The following ENTR1 variants were observed in gnomAD, a reference collection of about 807,000 sequenced individuals.
ENTR1 encodes the protein endosome associated trafficking regulator 1, also known as endosome-associated-trafficking regulator 1.
A neutral mutation model predicts 47.9 loss-of-function variants in ENTR1; 47 were observed. The ratio of observed to expected loss-of-function variants is 0.98; its 90% confidence interval spans 0.78 to 1.25. The LOEUF is 1.25. Ranked by LOEUF, ENTR1 falls within the 50% of genes most tolerant of loss-of-function variation. The pLI, the probability that ENTR1 is intolerant of heterozygous loss-of-function variation, is 0.00. For synonymous variants in ENTR1, 290 were observed against 245.8 expected, an observed-to-expected ratio of 1.18 and a Z score of -1.68; for missense variants, 668 against 570.5, an observed-to-expected ratio of 1.17 and a Z score of -1.74.
chr9:136,410,481 G>A lies in ENTR1; in HGVS notation c.-84C>T, dbSNP rs1835052356. The stretch of plus-strand genomic sequence containing the variant: ...CGGCTCCGCCCGTGCCGCGGCCCGC[G>A]TCGCCCGCCCCCGTCGCCCGCCCCC... On this transcript the variant is annotated 5_prime_UTR_variant, in exon 1 of 10. It adds an upstream start codon to the 5' untranslated region. Transcript: ENST00000357365. The A allele has an allele frequency of 5.6e-5, 55 of 977,628 alleles. No individual in the cohort carries two copies. The highest frequency in any genetic ancestry group is 6.8e-5 in the Non-Finnish European group (55 of 810,970). 60.6% of individuals were successfully genotyped at this position (977,628 alleles called of 1,614,324 possible).
intron 3 of ENTR1, among the ~76,000 whole-genome samples, chr9:136,408,318 G>A (rs1357808730): frequency 4.3e-5 from 5 of 117,624 alleles, no homozygotes; most frequent in Non-Finnish European, 9.4e-5. Context: ...GGTGGCTCAC[G>A]CCTGTACCCC....
intron 8 of ENTR1, 152 bp downstream of exon 8, chr9:136,404,479 C>G: frequency 1.1e-6 from 1 of 890,888 alleles, no homozygotes; most frequent in Non-Finnish European, 1.7e-6. Context: ...GCTTCACGCC[C>G]TGACAGGAAG....
chr9:136,409,811 A>AG, intron 2 of ENTR1: 1 of 564,902 alleles, frequency 1.8e-6, no homozygotes, highest in South Asian at 1.8e-5. Flanking sequence ...CACTAGGTGA[A>AG]GGCACCCCGA....
At chr9:136,402,955 A>G (rs1257636646) in intron 9 of ENTR1, 68 bp from the exon 10 acceptor site, 9 of 629,592 alleles carry the variant, frequency 1.4e-5, no homozygotes, top group African/African-American at 9.6e-5. Context: ...TTCTGGGGGG[A>G]GAAAGGGGAG....
intron 3 of ENTR1, among the ~76,000 whole-genome samples, chr9:136,408,303 G>A (rs563854567): frequency 6.9e-6 from 1 of 144,080 alleles, no homozygotes; most frequent in Non-Finnish European, 1.5e-5. Context: ...CAGGTGGCCA[G>A]GTGTGGTGGC....
At chr9:136,406,757 G>A (rs371550289) in intron 5 of ENTR1, among the ~76,000 whole-genome samples, 1 of 152,134 alleles carries the variant, frequency 6.6e-6, no homozygotes, top group Non-Finnish European at 1.5e-5. Flanking sequence ...GATTACAGGC[G>A]TGAGCCACGG....
At chr9:136,408,008 CTG>C (rs1834866431) in intron 3 of ENTR1, 70 bp from the exon 4 acceptor site, 16 of 1,021,952 alleles carry the variant, frequency 1.6e-5, no homozygotes, top group Middle Eastern at 2.0e-4. Flanking sequence ...TCCTGTTCAC[CTG>C]TCTTTCCAGA....
intron 8 of ENTR1, 40 bp downstream of exon 8, chr9:136,404,591 C>G: frequency 6.2e-7 from 1 of 1,601,394 alleles, no homozygotes; most frequent in South Asian, 1.1e-5. Flanking sequence ...TGTGACTCCA[C>G]AAATCAAAGA....
intron 6 of ENTR1, 131 bp from the exon 7 acceptor site, chr9:136,405,333 G>T: frequency 1.4e-6 from 1 of 700,164 alleles, no homozygotes; most frequent in Non-Finnish European, 2.5e-6. Context: ...CAGAGGGGAG[G>T]CAGCGGCAGC....
intron 5 of ENTR1, among the ~76,000 whole-genome samples, chr9:136,406,514 T>C (rs569881586): frequency 2.7e-5 from 4 of 150,812 alleles, no homozygotes; most frequent in Non-Finnish European, 5.9e-5. Context: ...GTTTCGCCCG[T>C]CGCCTAGGCT....
rs984579081 is a variant in ENTR1 at position 136,402,233 on chromosome 9, G to A, written c.*555C>T. The A allele has an allele frequency of 3.9e-5, 6 of 152,972 alleles. No individual in the cohort carries two copies. The highest frequency in any genetic ancestry group is 1.2e-4 in the African/African-American group (5 of 41,470). The allele number at this position is 152,972 out of a possible 1,614,324, so 9.5% of individuals were successfully genotyped here. A position where few individuals can be genotyped will look rare whatever the true frequency, so the allele number is the denominator to read the frequency against. Reference sequence around the variant, plus strand: ...ACCTTGGTCCCCGTGGGTCCCGGAGGAGGACAGCAGCAGCCACGCGGTGGC... The same window carrying A: ...ACCTTGGTCCCCGTGGGTCCCGGAGAAGGACAGCAGCAGCCACGCGGTGGC... On this transcript the variant is annotated 3_prime_UTR_variant, in exon 10 of 10. Coordinates refer to ENST00000357365, the MANE Select transcript of ENTR1 (RefSeq NM_001039707.2).
intron 3 of ENTR1, 145 bp downstream of exon 3, chr9:136,408,854 G>A: frequency 1.5e-6 from 1 of 648,442 alleles, no homozygotes; most frequent in Non-Finnish European, 2.8e-6. Context: ...CTAGGATCAA[G>A]ACTGAACCCT....
chr9:136,410,505 C>CCCG lies in ENTR1; in HGVS notation c.-109_-108insCGG. ...CGTCGCCCGCCCCCGTCGCCCGCCC[C>CCCG]CGTCGCCCGCCGCTCGGCCGCCCCC... On this transcript the variant is annotated 5_prime_UTR_variant, in exon 1 of 10. Coordinates refer to ENST00000357365, the MANE Select transcript of ENTR1 (RefSeq NM_001039707.2). 1.0e-6 allele frequency: 1 copy of CCCG among 965,600 alleles called. No homozygotes were observed. The highest frequency in any genetic ancestry group is 1.3e-6 in the Non-Finnish European group (1 of 789,044). The allele number at this position is 965,600 out of a possible 1,614,324, so 59.8% of individuals were successfully genotyped here.
Position 136,405,963 on chromosome 9 carries a change from A to G in ENTR1, c.835T>C (p.Ser279Pro). ...ISYDALKDEN[S>P]KLRRKLNEVQ... ...TCATTCAGCTTTCTTCTCAGCTTAG[A>G]ATTTTCATCTTTCAGCTGTGGAGAG... The change falls in exon 6 of 10, where the codon TCT (serine) becomes CCT (proline). Residue 279 changes from serine (S) to proline (P), a missense_variant. Physicochemically the swap from Ser to Pro is moderately conservative, Grantham distance 74 (BLOSUM62 -1). Coordinates refer to ENST00000357365, the MANE Select transcript of ENTR1 (RefSeq NM_001039707.2). 1 of 1,609,346 alleles carries G rather than the reference A, an allele frequency of 6.2e-7. No individual in the cohort carries two copies. Among genetic ancestry groups the G allele is most frequent in the South Asian group, 1.1e-5 (1 of 89,892 alleles).
chr9:136,410,239 G>A lies in ENTR1; in HGVS notation c.71C>T (p.Ala24Val), dbSNP rs750534111. ...AGACCGGCGCTCATAGAACGCTGGA[G>A]CTGGAAGCAACGACAACAGCGACTT... ...SRARSLAIPD[A>V]PAFYERRSCL... The change falls in exon 2 of 10, where the codon GCT becomes GTT. Residue 24 changes from alanine to valine, a missense_variant and splice_region_variant. Coordinates refer to ENST00000357365, the MANE Select transcript of ENTR1 (RefSeq NM_001039707.2). 1 of 1,572,842 alleles carries A rather than the reference G, an allele frequency of 6.4e-7. No homozygotes were observed. Among genetic ancestry groups the A allele is most frequent in the South Asian group, 1.2e-5 (1 of 86,284 alleles).
Position 136,407,289 on chromosome 9 carries a change from C to G in ENTR1, c.675G>C (p.Glu225Asp). 6.2e-7 allele frequency: 1 copy of G among 1,612,656 alleles called. No individual in the cohort carries two copies. The highest frequency in any genetic ancestry group is 8.5e-7 in the Non-Finnish European group (1 of 1,179,920). The change falls in exon 5 of 10, where the codon GAG becomes GAC. Residue 225 changes from glutamate (E) to aspartate (D), a missense_variant. Coordinates refer to ENST00000357365, the MANE Select transcript of ENTR1 (RefSeq NM_001039707.2). The part of the protein sequence containing the change: ...FSTPSELAGP[E>D]SLPSWALSDT... Reference sequence around the variant, plus strand: ...CACTCAACGCCCACGAGGGCAGAGACTCAGGCCCTGCCAGCTCCGACGGGG... The same window carrying G: ...CACTCAACGCCCACGAGGGCAGAGAGTCAGGCCCTGCCAGCTCCGACGGGG...
At position 136,410,558 on chromosome 9, in the gene ENTR1, C is replaced by G. The variant is rs1835058708; in HGVS notation, c.-161G>C. 8.8e-7 allele frequency: 1 copy of G among 1,141,728 alleles called. No homozygotes were observed. Among genetic ancestry groups the G allele is most frequent in the Non-Finnish European group, 1.1e-6 (1 of 905,214 alleles). The allele number at this position is 1,141,728 out of a possible 1,614,324, so 70.7% of individuals were successfully genotyped here. On this transcript the variant is annotated 5_prime_UTR_variant, in exon 1 of 10. Transcript: ENST00000357365. ...GCCTCCGAGCCTCTCGCCGCTGCTT[C>G]CGCTCCGAGCACCGAAAGCGCGTGC...
In ENTR1 at chr9:136,407,550, C is replaced by T. The variant is rs767280340; in HGVS notation, c.414G>A (p.Arg138=). 6.5e-7 allele frequency: 1 copy of T among 1,534,260 alleles called. No individual in the cohort carries two copies. The highest frequency in any genetic ancestry group is 8.7e-7 in the Non-Finnish European group (1 of 1,149,550). Residue 138 remains arginine (R), a synonymous_variant, in exon 5 of 10, where the codon AGG becomes AGA. Coordinates refer to ENST00000357365, the MANE Select transcript of ENTR1 (RefSeq NM_001039707.2). The part of the protein sequence containing the change: ...ASRIYAKEAS[R]HSLGLDHNSP... Reference sequence around the variant, plus strand: ...AGTTGTGGTCAAGTCCCAGGGAATGCCTCGAGGCTTCCTAAAAAAAAAAAA... The same window carrying T: ...AGTTGTGGTCAAGTCCCAGGGAATGTCTCGAGGCTTCCTAAAAAAAAAAAA...
chr9:136,409,877 C>T, intron 2 of ENTR1: 1 of 720,238 alleles, frequency 1.4e-6, no homozygotes, highest in Non-Finnish European at 2.6e-6. Flanking sequence ...CACTAACCAT[C>T]CTGTACTGGA....
Sources: allele counts gnomAD v4.1 joint callset (sites outside exome capture counted in the v4.1 genomes callset), GRCh38; gene constraint gnomAD v4.1.1; transcripts MANE v1.5; gene names NCBI Gene and HGNC (gene_info 2026-07-23, HGNC 2026-07-21).